GSK3B: variants seen among roughly 807,000 people sequenced by gnomAD.
The protein encoded by GSK3B is glycogen synthase kinase 3 beta.
GSK3B carries 15 observed loss-of-function variants against 56.4 expected under a neutral mutation model. The observed-to-expected ratio is 0.27, with a 90% CI of 0.18 to 0.41. GSK3B has a LOEUF of 0.41. Ranked by LOEUF, GSK3B falls within the 10% of genes least tolerant of loss-of-function variation. The pLI is 1.00. For synonymous variants in GSK3B, 181 were observed against 188.9 expected (o/e 0.96, Z 0.34); for missense variants, 300 against 513.4 (o/e 0.58, Z 4.02).
intron 3 of GSK3B, among the ~76,000 whole-genome samples, chr3:119,936,354 A>ATATAT (rs571582966): frequency 2.4e-5 from 3 of 125,746 alleles, no homozygotes; most frequent in South Asian, 2.3e-4. Flanking sequence ...ATATATATAT[A>ATATAT]TTTTTTTTTT....
intron 8 of GSK3B, among the ~76,000 whole-genome samples, chr3:119,865,000 T>C (rs1217326130): frequency 6.6e-6 from 1 of 152,164 alleles, no homozygotes; most frequent in Non-Finnish European, 1.5e-5. Context: ...ATACTCTGAC[T>C]CGCCTCAGTC....
rs948644832 is a variant in GSK3B at position 119,930,508 on chromosome 3, C to T, written c.367-7025G>A. 9.5e-4 allele frequency among the ~76,000 whole-genome samples: 145 copies of T among 152,218 alleles called. 2 individuals are homozygous for T. Among genetic ancestry groups the T allele is most frequent in the Non-Finnish European group, 2.2e-4 (15 of 68,006 alleles). ...TCAACACAGCCACCTAAGATTGACA[C>T]AGACCTAGAAGAATGGCTTAAAATG... On this transcript the variant is annotated intron_variant, in intron 3 of 10. Coordinates refer to ENST00000264235, the MANE Select transcript of GSK3B (RefSeq NM_001146156.2).
At chr3:120,049,502 C>A (rs981805099) in intron 1 of GSK3B, among the ~76,000 whole-genome samples, 1 of 151,978 alleles carries the variant, frequency 6.6e-6, no homozygotes, top group Non-Finnish European at 1.5e-5. Context: ...GGTAAGTTGA[C>A]GAGAAAGAGA....
chr3:120,043,681 G>A (rs1227739059), intron 1 of GSK3B, among the ~76,000 whole-genome samples: 1 of 152,028 alleles, frequency 6.6e-6, no homozygotes, highest in Admixed American at 6.5e-5. Context: ...TTTACCAAAG[G>A]AACCACCCCC....
intron 2 of GSK3B, among the ~76,000 whole-genome samples, chr3:119,952,001 G>C (rs2057161678): frequency 6.8e-6 from 1 of 146,960 alleles, no homozygotes; most frequent in Non-Finnish European, 1.5e-5. Context: ...TTGTCCAAAA[G>C]AAAGAACAAA....
chr3:119,855,542 C>A (rs149920706), intron 9 of GSK3B, among the ~76,000 whole-genome samples: 1 of 152,224 alleles, frequency 6.6e-6, no homozygotes, highest in Non-Finnish European at 1.5e-5. Flanking sequence ...AAGTTTATTG[C>A]GGCACTATTC....
chr3:119,835,112 T>C (rs1164896044), intron 10 of GSK3B, among the ~76,000 whole-genome samples: 2 of 152,194 alleles, frequency 1.3e-5, no homozygotes, highest in Non-Finnish European at 2.9e-5. Context: ...GATGCACATA[T>C]TAATTGGCTA....
intron 9 of GSK3B, among the ~76,000 whole-genome samples, chr3:119,853,342 G>A (rs186465144): frequency 4.5e-4 from 69 of 152,228 alleles, no homozygotes; most frequent in African/African-American, 1.4e-3. Context: ...AGTATAGTTC[G>A]AAGTCAAGTC....
intron 2 of GSK3B, among the ~76,000 whole-genome samples, chr3:119,992,832 T>TA (rs1576254682): frequency 6.6e-6 from 1 of 152,038 alleles, no homozygotes; most frequent in East Asian, 1.9e-4. Flanking sequence ...GAAAAGATGT[T>TA]AAAGTGTACT....
intron 2 of GSK3B, among the ~76,000 whole-genome samples, chr3:119,997,724 G>T (rs2057633558): frequency 6.6e-6 from 1 of 152,124 alleles, no homozygotes; most frequent in Admixed American, 6.5e-5. Flanking sequence ...CATCAGAGAA[G>T]TGTTACATAA....
intron 1 of GSK3B, among the ~76,000 whole-genome samples, chr3:120,056,627 C>T (rs927617911): frequency 2.4e-4 from 36 of 152,264 alleles, no homozygotes; most frequent in Admixed American, 2.2e-3. Context: ...ACATGAGCCA[C>T]TGTGCCTGAC....
At chr3:120,043,810 A>G (rs1576292430) in intron 1 of GSK3B, among the ~76,000 whole-genome samples, 1 of 152,226 alleles carries the variant, frequency 6.6e-6, no homozygotes, top group Non-Finnish European at 1.5e-5. Context: ...ACCAATGGAT[A>G]CAACCCTATA....
At chr3:119,983,621 A>G (rs1396152308) in intron 2 of GSK3B, among the ~76,000 whole-genome samples, 1 of 152,214 alleles carries the variant, frequency 6.6e-6, no homozygotes, top group East Asian at 1.9e-4. Context: ...AAGCCATTAC[A>G]TGATGGTAAA....
chr3:119,861,641 T>C (rs1359555112), intron 9 of GSK3B, among the ~76,000 whole-genome samples: 2 of 151,948 alleles, frequency 1.3e-5, no homozygotes, highest in South Asian at 2.1e-4. Context: ...ACAGTAACAA[T>C]AGCGATTTAC....
intron 2 of GSK3B, among the ~76,000 whole-genome samples, chr3:120,001,522 C>A (rs1046840038): frequency 6.6e-6 from 1 of 152,170 alleles, no homozygotes; most frequent in African/African-American, 2.4e-5. Flanking sequence ...GATGTCTGCA[C>A]CACACTTCCT....
At chr3:120,041,005 G>T (rs1318214504) in intron 1 of GSK3B, among the ~76,000 whole-genome samples, 1 of 151,992 alleles carries the variant, frequency 6.6e-6, no homozygotes, top group Non-Finnish European at 1.5e-5. Flanking sequence ...GCTTTTGTAG[G>T]GTGGGCAGCA....
rs780534951 is a variant in GSK3B at position 119,923,499 on chromosome 3, T to TA, written c.367-17dup. ...CCTCATCTTTCTGAAAGAGTTTATT[T>TA]AAAAAAACAAAAAACAAAACAGATT... On this transcript the variant is annotated splice_polypyrimidine_tract_variant and intron_variant, in intron 3 of 10. Transcript: ENST00000264235. 3 of 1,348,880 alleles carry TA rather than the reference T, an allele frequency of 2.2e-6. No individual in the cohort carries two copies. Among genetic ancestry groups the TA allele is most frequent in the Admixed American group, 2.0e-5 (1 of 50,166 alleles). The allele number at this position is 1,348,880 out of a possible 1,614,324, so 83.6% of individuals were successfully genotyped here.
chr3:119,924,745 A>G (rs1279859447), intron 3 of GSK3B, among the ~76,000 whole-genome samples: 1 of 152,208 alleles, frequency 6.6e-6, no homozygotes, highest in Non-Finnish European at 1.5e-5. Flanking sequence ...CAACAGGAAT[A>G]GTCTGCTGCC....
intron 9 of GSK3B, among the ~76,000 whole-genome samples, chr3:119,854,460 T>C (rs2055988231): frequency 6.6e-6 from 1 of 152,208 alleles, no homozygotes; most frequent in African/African-American, 2.4e-5. Flanking sequence ...AATTCCCTCT[T>C]TTTCTATTGA....
Sources: gnomAD v4.1 joint callset for allele counts (sites outside exome capture counted in the v4.1 genomes callset) on GRCh38, gnomAD v4.1.1 for gene constraint, MANE v1.5 for transcripts, NCBI Gene and HGNC (gene_info 2026-07-23, HGNC 2026-07-21) for gene names.